The following GRM7 variants were observed in gnomAD, a reference collection of about 807,000 sequenced individuals.
GRM7 encodes the protein glutamate metabotropic receptor 7.
In GRM7, 35 loss-of-function variants were observed where a neutral mutation model predicts 84.5. The ratio of observed to expected loss-of-function variants is 0.41; its 90% confidence interval spans 0.32 to 0.55. GRM7 has a LOEUF of 0.55. Ranked by LOEUF, GRM7 falls within the 20% of genes least tolerant of loss-of-function variation. GRM7 has a pLI of 0.19. For synonymous variants in GRM7, 487 were observed against 455.1 expected, an observed-to-expected ratio of 1.07 and a Z score of -0.89; for missense variants, 1,003 against 1,194.6, an observed-to-expected ratio of 0.84 and a Z score of 2.36.
intron 7 of GRM7, among the ~76,000 whole-genome samples, chr3:7,517,384 G>T (rs1256080307): frequency 7.5e-6 from 1 of 133,126 alleles, no homozygotes; most frequent in African/African-American, 2.8e-5. Flanking sequence ...AGTAGTAGTA[G>T]TATTAGTATT....
chr3:7,415,343 A>G (rs766244440), intron 5 of GRM7, among the ~76,000 whole-genome samples, 180 bp downstream of exon 5: 1 of 152,196 alleles, frequency 6.6e-6, no homozygotes. Flanking sequence ...CATACAGACA[A>G]GAATGTATTC....
intron 4 of GRM7, among the ~76,000 whole-genome samples, chr3:7,309,427 A>G (rs1451349325): frequency 6.6e-6 from 1 of 152,044 alleles, no homozygotes; most frequent in Non-Finnish European, 1.5e-5. Context: ...TGTTTTGCAG[A>G]TGTTTCATAT....
intron 8 of GRM7, among the ~76,000 whole-genome samples, chr3:7,612,062 A>T (rs1023610139): frequency 6.6e-6 from 1 of 152,140 alleles, no homozygotes; most frequent in African/African-American, 2.4e-5. Flanking sequence ...GTTTTACTAG[A>T]TGCCTTCTCA....
intron 5 of GRM7, among the ~76,000 whole-genome samples, chr3:7,441,130 CT>C (rs1027132079): frequency 6.6e-6 from 1 of 151,926 alleles, no homozygotes; most frequent in Non-Finnish European, 1.5e-5. Flanking sequence ...ATAAGCATTC[CT>C]TTTTTTTCTG....
intron 8 of GRM7, among the ~76,000 whole-genome samples, chr3:7,588,656 A>C (rs971977717): frequency 2.6e-5 from 4 of 152,182 alleles, no homozygotes; most frequent in Non-Finnish European, 5.9e-5. Context: ...CAAGGAATGT[A>C]AAAGACAAGT....
intron 8 of GRM7, among the ~76,000 whole-genome samples, chr3:7,633,570 G>A (rs535765573): frequency 6.6e-6 from 1 of 152,154 alleles, no homozygotes; most frequent in South Asian, 2.1e-4. Flanking sequence ...GGAGGAGGGA[G>A]GAATTAAACT....
At chr3:7,350,683 A>G (rs2125090719) in intron 4 of GRM7, among the ~76,000 whole-genome samples, 1 of 152,288 alleles carries the variant, frequency 6.6e-6, no homozygotes, top group East Asian at 1.9e-4. Context: ...AGGATAATCC[A>G]TAACTATATA....
intron 3 of GRM7, among the ~76,000 whole-genome samples, chr3:7,305,341 T>C (rs1700151659): frequency 1.1e-5 from 1 of 89,268 alleles, no homozygotes; most frequent in African/African-American, 4.7e-5. Context: ...TTTTTTTTTT[T>C]TCTTTTTTTT....
intron 8 of GRM7, among the ~76,000 whole-genome samples, chr3:7,648,731 C>A (rs1281693457): frequency 6.6e-6 from 1 of 151,678 alleles, no homozygotes; most frequent in Non-Finnish European, 1.5e-5. Context: ...GTGAAAATAT[C>A]AAAAGGACTT....
intron 1 of GRM7, among the ~76,000 whole-genome samples, chr3:7,055,318 G>A (rs1008198875): frequency 6.6e-6 from 1 of 151,662 alleles, no homozygotes; most frequent in African/African-American, 2.4e-5. Context: ...CAAACAAGCT[G>A]GGTGAAGAGA....
At position 7,093,708 on chromosome 3, in the gene GRM7, AAAAAAAG is replaced by A. The variant is rs1200379379; in HGVS notation, c.520-52743_520-52737del. ...AAAAAAAAAAAAAAAAAAAAAAAAA[AAAAAAAG>A]GTAGTTAGTGGCCTTTGCTCTTTTA... is the stretch of plus-strand genomic sequence containing the variant. On this transcript the variant is annotated intron_variant, in intron 1 of 9. Transcript: ENST00000357716. Among the ~76,000 whole-genome samples the A allele has an allele frequency of 1.2e-3, 99 of 80,476 alleles. 18 individuals are homozygous for A. The highest frequency in any genetic ancestry group is 5.6e-3 in the African/African-American group (92 of 16,534). The allele number at this position is 80,476 out of a possible 152,430, so 52.8% of individuals were successfully genotyped here. A position where few individuals can be genotyped will look rare whatever the true frequency, so the allele number is the denominator to read the frequency against.
intron 1 of GRM7, among the ~76,000 whole-genome samples, chr3:7,061,080 T>C (rs1302748976): frequency 6.6e-6 from 1 of 151,802 alleles, no homozygotes. Context: ...TGTGCTTTCA[T>C]AAAACTATTA....
intron 2 of GRM7, among the ~76,000 whole-genome samples, chr3:7,277,956 T>C (rs1326691490): frequency 6.6e-6 from 1 of 152,108 alleles, no homozygotes; most frequent in Non-Finnish European, 1.5e-5. Flanking sequence ...ATGTTAAGAA[T>C]TCTGAAGTCA....
intron 9 of GRM7, among the ~76,000 whole-genome samples, chr3:7,690,795 T>C (rs1700771929): frequency 6.6e-6 from 1 of 152,202 alleles, no homozygotes; most frequent in Non-Finnish European, 1.5e-5. Flanking sequence ...AGCAATCAAA[T>C]TGGTGGTTTT....
chr3:7,706,184 A>G lies in GRM7; in HGVS notation c.2698+25889A>G, dbSNP rs184459544. 3.1e-3 allele frequency among the ~76,000 whole-genome samples: 475 copies of G among 152,290 alleles called. 7 individuals are homozygous for G. The highest frequency in any genetic ancestry group is 0.02 in the Middle Eastern group (6 of 294). Reference sequence around the variant, plus strand: ...AGACATAGAAAAAACAAGTAGGTTGATTGCATCTTTATAGAGCCATATTGC... The same window carrying G: ...AGACATAGAAAAAACAAGTAGGTTGGTTGCATCTTTATAGAGCCATATTGC... On this transcript the variant is annotated intron_variant, in intron 9 of 9. Coordinates refer to ENST00000357716, the MANE Select transcript of GRM7 (RefSeq NM_000844.4).
chr3:7,094,535 C>T (rs1165137462), intron 1 of GRM7, among the ~76,000 whole-genome samples: 2 of 152,174 alleles, frequency 1.3e-5, no homozygotes, highest in East Asian at 3.9e-4. Context: ...ACGTTACCTA[C>T]TGCCAGGTTT....
Position 6,976,822 on chromosome 3 carries a change from A to G in GRM7, c.519+114915A>G, listed in dbSNP as rs977892925. On this transcript the variant is annotated intron_variant, in intron 1 of 9. Transcript: ENST00000357716. The stretch of plus-strand genomic sequence containing the variant: ...ATACTTAAGTAAGATGTGTTATAAC[A>G]CTATTTAAAAAGATATTCTTGACAG... Among the ~76,000 whole-genome samples, 4 of 152,322 alleles carry G rather than the reference A, an allele frequency of 2.6e-5. No individual in the cohort carries two copies. The East Asian group carries it at 5.8e-4, about 22-fold the overall frequency.
chr3:7,588,688 T>G (rs1489710448), intron 8 of GRM7, among the ~76,000 whole-genome samples: 1 of 152,152 alleles, frequency 6.6e-6, no homozygotes, highest in African/African-American at 2.4e-5. Flanking sequence ...CACTAGCACT[T>G]CCTTGAAGCT....
chr3:7,339,085 A>T (rs1005834902), intron 4 of GRM7, among the ~76,000 whole-genome samples: 1 of 152,124 alleles, frequency 6.6e-6, no homozygotes, highest in Admixed American at 6.6e-5. Flanking sequence ...TGATAATTCA[A>T]ATTGGATTAA....
Sources: gnomAD v4.1 joint callset for allele counts (sites outside exome capture counted in the v4.1 genomes callset) on GRCh38, gnomAD v4.1.1 for gene constraint, MANE v1.5 for transcripts, NCBI Gene and HGNC (gene_info 2026-07-23, HGNC 2026-07-21) for gene names.